NT5C1B: variants seen among roughly 807,000 people sequenced by gnomAD.
NT5C1B encodes cytosolic 5'-nucleotidase 1B.
NT5C1B carries 44 observed loss-of-function variants against 57.8 expected under a neutral mutation model. The ratio of observed to expected loss-of-function variants is 0.76; its 90% CI spans 0.60 to 0.98. NT5C1B has a LOEUF of 0.98. Among genes scored for constraint, NT5C1B ranks in the 50% least tolerant of loss-of-function variants. NT5C1B has a pLI of 0.00. For missense variants in NT5C1B, 742 were observed against 719.5 expected (o/e 1.03, Z -0.36); for synonymous variants, 284 against 282.6 (o/e 1.00, Z -0.05).
At chr2:18,587,703 A>G (rs1666846731) in intron 1 of NT5C1B, 111 bp from the exon 2 acceptor site, 4 of 1,232,608 alleles carry the variant, frequency 3.2e-6, no homozygotes, top group Non-Finnish European at 4.4e-6. Context: ...ATTTGCCAAT[A>G]TAAAAAGGTA....
chr2:18,581,130 A>C (rs1422766681), intron 6 of NT5C1B, among the ~76,000 whole-genome samples: 2 of 152,220 alleles, frequency 1.3e-5, no homozygotes, highest in African/African-American at 4.8e-5. Flanking sequence ...TTACAAAAAA[A>C]CACTGGCTGT....
intron 8 of NT5C1B, among the ~76,000 whole-genome samples, chr2:18,574,551 T>C (rs1210195738): frequency 6.6e-6 from 1 of 152,144 alleles, no homozygotes; most frequent in Non-Finnish European, 1.5e-5. Context: ...TACAGCATTA[T>C]TCACAATGGC....
chr2:18,563,772 C>G, exon 9 of NT5C1B: 1 of 1,498,524 alleles, frequency 6.7e-7, no homozygotes, highest in East Asian at 2.3e-5. Flanking sequence ...CAGACTATCA[C>G]CACTTTATTT....
Position 18,584,646 on chromosome 2 carries a change from G to A in NT5C1B, c.591C>T (p.Thr197=), listed in dbSNP as rs1402178257. Residue 197 remains threonine, a synonymous_variant, in exon 4 of 9, where the codon ACC becomes ACT. Coordinates refer to ENST00000304081, the Ensembl canonical transcript of NT5C1B. This position sits in a 1 kb window ranked among gnomAD's most constrained non-coding sequence, Gnocchi z 5.8. ...CGGACAGAGAGTTGCGGTCCAGCTGGGTGGAGGCGGGGTAGATCCCCCTGC... is the reference window on the plus strand; with the variant it reads ...CGGACAGAGAGTTGCGGTCCAGCTGAGTGGAGGCGGGGTAGATCCCCCTGC... The A allele has an allele frequency of 6.2e-7, 1 of 1,613,226 alleles. No individual in the cohort carries two copies. The highest frequency in any genetic ancestry group is 8.5e-7 in the Non-Finnish European group (1 of 1,179,690).
chr2:18,567,066 T>G (rs1664708989), intron 8 of NT5C1B, among the ~76,000 whole-genome samples: 1 of 152,146 alleles, frequency 6.6e-6, no homozygotes, highest in African/African-American at 2.4e-5. Flanking sequence ...ATAGAAGCCC[T>G]AGGATCCACA....
At chr2:18,586,115 G>C in intron 3 of NT5C1B, 139 bp downstream of exon 3, 1 of 1,329,076 alleles carries the variant, frequency 7.5e-7, no homozygotes, top group South Asian at 1.7e-5. Flanking sequence ...TTTACGGGCA[G>C]AAGGGAGTTC....
Position 18,565,876 on chromosome 2 carries a change from G to C in NT5C1B, c.1330-1757C>G, listed in dbSNP as rs138494562. On this transcript the variant is annotated intron_variant, in intron 8 of 8. Transcript: ENST00000304081. ...GGGATTCTACTTAGGCATATGCTGG[G>C]TCTTCTTTACCTGTTATCTATTTCT... Among the ~76,000 whole-genome samples the C allele has an allele frequency of 2.9e-3, 439 of 152,050 alleles. 3 individuals carry two copies. Among genetic ancestry groups the C allele is most frequent in the African/African-American group, 0.01 (415 of 41,474 alleles).
chr2:18,565,134 T>C (rs544893393), intron 8 of NT5C1B, among the ~76,000 whole-genome samples: 1 of 152,318 alleles, frequency 6.6e-6, no homozygotes, highest in Admixed American at 6.5e-5. Context: ...TTTCATCCTT[T>C]GATTGGCTAT....
chr2:18,587,583 C>T (rs150854562), exon 2 of NT5C1B: 401 of 1,611,862 alleles, frequency 2.5e-4, no homozygotes, highest in Non-Finnish European at 3.1e-4. Context: ...GACCTCATTC[C>T]AGGCTCATTC....
chr2:18,580,072 A>C (rs1666048457), intron 6 of NT5C1B, among the ~76,000 whole-genome samples: 1 of 152,136 alleles, frequency 6.6e-6, no homozygotes, highest in Admixed American at 6.5e-5. Flanking sequence ...ATCAAATCAA[A>C]ACCACAATGA....
intron 2 of NT5C1B, 95 bp from the exon 3 acceptor site, chr2:18,586,486 G>T: frequency 6.5e-7 from 1 of 1,536,504 alleles, no homozygotes; most frequent in Admixed American, 1.9e-5. Flanking sequence ...GCTGAATATA[G>T]CAGCACCCAG....
chr2:18,570,009 TCACAA>T (rs1435935310), intron 8 of NT5C1B, among the ~76,000 whole-genome samples: 1 of 152,124 alleles, frequency 6.6e-6, no homozygotes, highest in East Asian at 1.9e-4. Context: ...TGTTTTCTAA[TCACAA>T]CACAACAGAG....
chr2:18,582,836 C>G (rs759204512), intron 6 of NT5C1B, 32 bp downstream of exon 6: 3 of 1,604,606 alleles, frequency 1.9e-6, no homozygotes, highest in Non-Finnish European at 2.6e-6. Flanking sequence ...GAGCGGAGAG[C>G]TGGTCTTCCA....
rs373590629 is a variant in NT5C1B, at chr2:18,585,007, C to T, written c.259-29G>A. On this transcript the variant is annotated intron_variant, in intron 3 of 8. Transcript: ENST00000304081. ...CAGCAAGACAATGGGCGTCTGAAGTCGAGGCCTGCCTGCCCATCTCCGGTC... is the reference window on the plus strand; with the variant it reads ...CAGCAAGACAATGGGCGTCTGAAGTTGAGGCCTGCCTGCCCATCTCCGGTC... 5 of 1,573,492 alleles carry T rather than the reference C, an allele frequency of 3.2e-6. No individual in the cohort carries two copies. In the African/African-American group the frequency reaches 4.0e-5, roughly 13 times the overall value.
At chr2:18,572,914 C>A (rs753436362) in intron 8 of NT5C1B, among the ~76,000 whole-genome samples, 2 of 152,178 alleles carry the variant, frequency 1.3e-5, no homozygotes, top group Admixed American at 1.3e-4. Context: ...AAAACATACA[C>A]TATTTATCAC....
In NT5C1B at chr2:18,584,279, A is replaced by T; in HGVS notation, c.724-24T>A. ...GGCTGCAGAGAGGGACGCCAAAGGG[A>T]GGATAGTCACATAGCCACGAAGAGG... On this transcript the variant is annotated intron_variant, in intron 4 of 8. Coordinates refer to ENST00000304081, the Ensembl canonical transcript of NT5C1B. The surrounding 1 kb of genome is among the most constrained non-coding windows in gnomAD (Gnocchi z 5.8). 1 of 1,609,072 alleles carries T rather than the reference A, an allele frequency of 6.2e-7. No individual in the cohort carries two copies. The highest frequency in any genetic ancestry group is 8.5e-7 in the Non-Finnish European group (1 of 1,176,938).
At position 18,582,926 on chromosome 2, in the gene NT5C1B, C is replaced by T. The variant is rs759169891; in HGVS notation, c.963G>A (p.Leu321=). 3 of 1,614,016 alleles carry T rather than the reference C, an allele frequency of 1.9e-6. No homozygotes were observed. In the South Asian group the frequency reaches 3.3e-5, roughly 18 times the overall value. The change falls in exon 6 of 9, where the codon CTG becomes CTA. Residue 321 remains leucine, a synonymous_variant. Coordinates refer to ENST00000304081, the Ensembl canonical transcript of NT5C1B. ...CCACTTGGGCATGGTTATTAGTCAT[C>T]AGTACAATATCAAATAAGTCCTGTT...
intron 8 of NT5C1B, among the ~76,000 whole-genome samples, chr2:18,566,409 T>C (rs1664646444): frequency 6.6e-6 from 1 of 152,190 alleles, no homozygotes; most frequent in Admixed American, 6.5e-5. Flanking sequence ...AGGTTGTATA[T>C]CTTAGAAAAA....
intron 5 of NT5C1B, 180 bp downstream of exon 5, chr2:18,583,908 C>T: frequency 9.8e-7 from 1 of 1,022,606 alleles, no homozygotes; most frequent in Non-Finnish European, 1.5e-6. Flanking sequence ...GGAGTCCCTT[C>T]CTCCACAGTC....
Sources: allele counts gnomAD v4.1 joint callset (sites outside exome capture counted in the v4.1 genomes callset), GRCh38; gene constraint gnomAD v4.1.1; non-coding constraint Gnocchi (gnomAD v3.1); transcripts MANE v1.5; gene names NCBI Gene and HGNC (gene_info 2026-07-23, HGNC 2026-07-21).